The following SGSM1 variants were observed in gnomAD, a reference collection of about 807,000 sequenced individuals.
The protein encoded by SGSM1 is RUN and TBC1 domain containing 2.
SGSM1 carries 73 observed loss-of-function variants against 133.8 expected under a neutral mutation model. That is an observed-to-expected ratio of 0.55 (90% confidence interval 0.45 to 0.66). SGSM1 has a LOEUF of 0.66. SGSM1 is among the 30% of genes least tolerant of loss of function. SGSM1 has a pLI of 0.00. For missense variants in SGSM1, 1,213 were observed against 1,448.1 expected, an observed-to-expected ratio of 0.84 and a Z score of 2.64; for synonymous variants, 563 against 573.0, an observed-to-expected ratio of 0.98 and a Z score of 0.25.
At chr22:24,827,142 C>T (rs1159383010) in intron 2 of SGSM1, among the ~76,000 whole-genome samples, 1 of 151,932 alleles carries the variant, frequency 6.6e-6, no homozygotes, top group African/African-American at 2.4e-5. Context: ...TGTGGGGAGG[C>T]AGGGATGAGA....
At chr22:24,882,012 G>C (rs886291149) in intron 14 of SGSM1, among the ~76,000 whole-genome samples, 21 of 152,036 alleles carry the variant, frequency 1.4e-4, no homozygotes, top group African/African-American at 4.1e-4. Flanking sequence ...ACTGACTTGG[G>C]GGGGGGCCTT....
Position 24,869,826 on chromosome 22 carries a change from G to T in SGSM1, c.1291+971G>T, listed in dbSNP as rs550204035. Among the ~76,000 whole-genome samples, 231 of 152,300 alleles carry T rather than the reference G, an allele frequency of 1.5e-3. 2 individuals carry two copies. Among genetic ancestry groups the T allele is most frequent in the African/African-American group, 5.2e-3 (218 of 41,556 alleles). On this transcript the variant is annotated intron_variant, in intron 12 of 24. Transcript: ENST00000400358. Reference sequence around the variant, plus strand: ...TGACACAGATGCGCAGCAAATGGAAGTTCTTACTAGTAAGCGCATCACCAT... The same window carrying T: ...TGACACAGATGCGCAGCAAATGGAATTTCTTACTAGTAAGCGCATCACCAT...
Position 24,879,439 on chromosome 22 carries a change from TCTCC to T in SGSM1, c.1431-19_1431-16del, listed in dbSNP as rs1932201443. 1 of 1,612,352 alleles carries T rather than the reference TCTCC, an allele frequency of 6.2e-7. No homozygotes were observed. Among genetic ancestry groups the T allele is most frequent in the South Asian group, 1.1e-5 (1 of 90,616 alleles). On this transcript the variant is annotated intron_variant, in intron 13 of 24. Coordinates refer to ENST00000400358, the MANE Select transcript of SGSM1 (RefSeq NM_001098497.3). ...GCTGTGTTTGGATCTATTCTAAGCA[TCTCC>T]CTCTTTCTCCACCTGCAGGGCTCCC... is the stretch of plus-strand genomic sequence containing the variant.
chr22:24,881,416 ATT>A, intron 14 of SGSM1, among the ~76,000 whole-genome samples: 2 of 147,680 alleles, frequency 1.4e-5, no homozygotes, highest in Non-Finnish European at 1.5e-5. Context: ...AATACAAAAA[ATT>A]AGTCGGGTGT....
At chr22:24,836,579 G>T (rs1929442306) in intron 2 of SGSM1, among the ~76,000 whole-genome samples, 2 of 152,174 alleles carry the variant, frequency 1.3e-5, no homozygotes, top group Non-Finnish European at 2.9e-5. Context: ...ATTGCACAAG[G>T]GTTCCAGTTT....
intron 12 of SGSM1, among the ~76,000 whole-genome samples, chr22:24,873,108 G>A (rs1931847552): frequency 6.6e-6 from 1 of 151,928 alleles, no homozygotes; most frequent in African/African-American, 2.4e-5. Flanking sequence ...ACAGGCACAA[G>A]CCACCATACC....
intron 13 of SGSM1, among the ~76,000 whole-genome samples, chr22:24,877,979 T>C (rs1932114410): frequency 6.6e-6 from 1 of 151,770 alleles, no homozygotes; most frequent in Admixed American, 6.6e-5. Flanking sequence ...CCTGGCTAGT[T>C]TTTGTGTTTT....
At chr22:24,855,140 C>T in intron 6 of SGSM1, 77 bp downstream of exon 6, 1 of 1,555,478 alleles carries the variant, frequency 6.4e-7, no homozygotes, top group African/African-American at 1.4e-5. Flanking sequence ...AGGACTCTCT[C>T]ACCCCTGTCC....
intron 2 of SGSM1, among the ~76,000 whole-genome samples, chr22:24,825,408 CTT>C (rs1461141788): frequency 6.6e-6 from 1 of 152,070 alleles, no homozygotes; most frequent in African/African-American, 2.4e-5. Flanking sequence ...GCTGTGCTCA[CTT>C]ACTAAGTTAT....
chr22:24,879,379 A>T (rs1253899833), intron 13 of SGSM1, 83 bp from the exon 14 acceptor site: 5 of 1,335,988 alleles, frequency 3.7e-6, no homozygotes, highest in Non-Finnish European at 5.3e-6. Context: ...TGCCCTCTAG[A>T]GATAGCACGT....
In SGSM1 at chr22:24,806,452, C is replaced by G. The variant is rs1481119281; in HGVS notation, c.31C>G (p.Arg11Gly). 6.6e-7 allele frequency: 1 copy of G among 1,524,384 alleles called. No individual in the cohort carries two copies. Among genetic ancestry groups the G allele is most frequent in the Non-Finnish European group, 8.8e-7 (1 of 1,135,650 alleles). The allele number at this position is 1,524,384 out of a possible 1,614,324, so 94.4% of individuals were successfully genotyped here. ...TTCTTGTCCCACAGAGGCGGAGACC[C>G]GACAGAGGCTGCTACGCACCGTCAA... The part of the protein sequence containing the change: MASAPAEAET[R>G]QRLLRTVKKE... Residue 11 changes from arginine (R) to glycine (G), a missense_variant, in exon 2 of 25, where the codon CGA becomes GGA. Coordinates refer to ENST00000400358, the MANE Select transcript of SGSM1 (RefSeq NM_001098497.3).
At chr22:24,836,042 G>T (rs555580154) in intron 2 of SGSM1, among the ~76,000 whole-genome samples, 124 of 152,018 alleles carry the variant, frequency 8.2e-4, no homozygotes, top group Non-Finnish European at 1.6e-3. Flanking sequence ...TTACATTCTT[G>T]TGTGCCAACC....
At chr22:24,831,977 C>A (rs1479825162) in intron 2 of SGSM1, among the ~76,000 whole-genome samples, 1 of 152,216 alleles carries the variant, frequency 6.6e-6, no homozygotes, top group Non-Finnish European at 1.5e-5. Context: ...CTGGGTGCAT[C>A]ATTCATCCCA....
chr22:24,923,459 T>C (rs187169652), intron 24 of SGSM1, among the ~76,000 whole-genome samples: 4 of 152,274 alleles, frequency 2.6e-5, no homozygotes, highest in Admixed American at 1.3e-4. Context: ...ATAAAATTAT[T>C]TTTTTCTTTG....
intron 21 of SGSM1, among the ~76,000 whole-genome samples, chr22:24,908,789 G>A (rs1344057635): frequency 8.0e-5 from 12 of 149,630 alleles, no homozygotes; most frequent in Admixed American, 4.0e-4. Flanking sequence ...GCGACAGAGC[G>A]AGACTCCATC....
chr22:24,896,173 C>A (rs59693026), intron 18 of SGSM1, among the ~76,000 whole-genome samples: 3,530 of 151,928 alleles, frequency 0.023, 142 homozygotes, highest in African/African-American at 0.081. Flanking sequence ...GTATGAGGAG[C>A]AACCAGAAAC....
chr22:24,898,868 G>A (rs528487957), intron 19 of SGSM1, among the ~76,000 whole-genome samples: 4 of 151,944 alleles, frequency 2.6e-5, no homozygotes, highest in East Asian at 3.9e-4. Flanking sequence ...TCTACTAAAA[G>A]TACAAAAAAT....
intron 2 of SGSM1, among the ~76,000 whole-genome samples, chr22:24,826,602 T>G (rs963476982): frequency 5.3e-5 from 8 of 152,240 alleles, no homozygotes; most frequent in African/African-American, 1.9e-4. Context: ...GGATGCTAAA[T>G]AGATGAGCCC....
chr22:24,862,881 C>T (rs894242142), intron 9 of SGSM1, among the ~76,000 whole-genome samples: 17 of 151,154 alleles, frequency 1.1e-4, no homozygotes, highest in Non-Finnish European at 2.2e-4. Context: ...GATATGGTCT[C>T]CTTAGAACTC....
Sources: gnomAD v4.1 joint callset for allele counts (sites outside exome capture counted in the v4.1 genomes callset) on GRCh38, gnomAD v4.1.1 for gene constraint, MANE v1.5 for transcripts, NCBI Gene and HGNC (gene_info 2026-07-23, HGNC 2026-07-21) for gene names.